Variants in HS6ST2 observed in about 807,000 individuals in gnomAD.
HS6ST2 encodes the protein heparan-sulfate 6-O-sulfotransferase 2.
In HS6ST2, 17 loss-of-function variants were observed where a neutral mutation model predicts 33.0. The observed-to-expected ratio is 0.52, with a 90% CI of 0.35 to 0.77. The LOEUF is 0.77. Ranked by LOEUF, HS6ST2 falls within the 30% of genes least tolerant of loss-of-function variation. HS6ST2 has a pLI of 0.01. For missense variants in HS6ST2, 519 were observed against 551.7 expected, an observed-to-expected ratio of 0.94 and a Z score of 0.59; for synonymous variants, 248 against 237.1, an observed-to-expected ratio of 1.05 and a Z score of -0.42.
intron 2 of HS6ST2, among the ~76,000 whole-genome samples, chrX:132,956,023 GC>G (rs2067067132): frequency 9.1e-6 from 1 of 110,180 alleles, no homozygotes; most frequent in South Asian, 3.9e-4. Flanking sequence ...TCCGCGGGGT[GC>G]CCCCCGCCAC....
At chrX:132,895,151 G>A (rs760530794) in intron 2 of HS6ST2, among the ~76,000 whole-genome samples, 3 of 111,576 alleles carry the variant, frequency 2.7e-5, no homozygotes, top group African/African-American at 9.8e-5. Context: ...AACTCATTAC[G>A]TTTTACTGTC....
chrX:132,922,861 G>A (rs762740181), intron 2 of HS6ST2, among the ~76,000 whole-genome samples: 423 of 110,917 alleles, frequency 3.8e-3, no homozygotes, highest in Non-Finnish European at 6.8e-3. Flanking sequence ...CCAGGAATTT[G>A]AGACCAGTCT....
At chrX:132,946,055 A>G (rs1428783209) in intron 2 of HS6ST2, among the ~76,000 whole-genome samples, 1 of 112,206 alleles carries the variant, frequency 8.9e-6, no homozygotes, top group Admixed American at 9.4e-5. Flanking sequence ...AGAAATGCAA[A>G]TCAAAACCAC....
intron 2 of HS6ST2, among the ~76,000 whole-genome samples, chrX:132,836,067 T>C (rs2065640777): frequency 8.9e-6 from 1 of 112,112 alleles, no homozygotes; most frequent in African/African-American, 3.2e-5. Context: ...TTTTTTAGGC[T>C]CTTCAAGTGA....
intron 2 of HS6ST2, chrX:132,758,311 C>T (rs946138486): frequency 1.8e-5 from 2 of 112,070 alleles, no homozygotes; most frequent in Non-Finnish European, 3.8e-5. Flanking sequence ...GGCACCTCCT[C>T]GCCAGGTGAT....
intron 4 of HS6ST2, among the ~76,000 whole-genome samples, chrX:132,650,741 A>ATCTCTCTCTCTCTCTCTCTCTCTCTC: frequency 1.1e-5 from 1 of 87,389 alleles, no homozygotes; most frequent in African/African-American, 4.5e-5. Context: ...CATAGGAGGG[A>ATCTCTCTCTCTCTCTCTCTCTCTCTC]TCTCTCTCTC....
At chrX:132,860,606 C>T (rs747358392) in intron 2 of HS6ST2, among the ~76,000 whole-genome samples, 3 of 111,182 alleles carry the variant, frequency 2.7e-5, no homozygotes, top group Non-Finnish European at 3.8e-5. Flanking sequence ...GGAAACAATG[C>T]TTTATGAATA....
At chrX:132,952,112 G>T (rs1247931374) in intron 2 of HS6ST2, among the ~76,000 whole-genome samples, 1 of 111,736 alleles carries the variant, frequency 8.9e-6, no homozygotes, top group African/African-American at 3.3e-5. Context: ...CATTTTAATT[G>T]CCCCATAGCA....
intron 2 of HS6ST2, among the ~76,000 whole-genome samples, chrX:132,769,253 C>T (rs1039318153): frequency 8.9e-6 from 1 of 112,502 alleles, no homozygotes; most frequent in Non-Finnish European, 1.9e-5. Context: ...TTATGAGCAA[C>T]AGGTAAACAA....
intron 3 of HS6ST2, among the ~76,000 whole-genome samples, chrX:132,691,982 T>G (rs1253898585): frequency 1.8e-5 from 2 of 111,945 alleles, no homozygotes; most frequent in Non-Finnish European, 3.8e-5. Context: ...ACCCATCGGG[T>G]GAAGAAACAA....
At chrX:132,743,462 G>A (rs1032571431) in intron 2 of HS6ST2, among the ~76,000 whole-genome samples, 6 of 112,363 alleles carry the variant, frequency 5.3e-5, no homozygotes, top group East Asian at 2.8e-4. Context: ...AGGAAATTGC[G>A]TCCTACTGAG....
intron 2 of HS6ST2, among the ~76,000 whole-genome samples, chrX:132,891,538 C>A (rs1602824607): frequency 9.1e-6 from 1 of 109,379 alleles, no homozygotes; most frequent in East Asian, 2.9e-4. Context: ...CTCCACACTC[C>A]CCCCACCCCA....
intron 2 of HS6ST2, among the ~76,000 whole-genome samples, chrX:132,743,955 G>C (rs1157162348): frequency 9.3e-6 from 1 of 107,123 alleles, no homozygotes; most frequent in Admixed American, 9.9e-5. Flanking sequence ...AATTTTGTCT[G>C]TGTGTGTGTG....
At chrX:132,637,783 ATATTTTATATATATAATATTATATAT>A (rs1385790480) in intron 4 of HS6ST2, among the ~76,000 whole-genome samples, 198 of 61,477 alleles carry the variant, frequency 3.2e-3, no homozygotes, top group Non-Finnish European at 4.8e-3. Flanking sequence ...TATATATATA[ATATTTTATATATATAATATTATATAT>A]TATTTTATAT....
intron 2 of HS6ST2, among the ~76,000 whole-genome samples, chrX:132,839,791 A>G (rs1324949425): frequency 9.0e-6 from 1 of 111,048 alleles, no homozygotes; most frequent in Non-Finnish European, 1.9e-5. Flanking sequence ...TTCCCATGGA[A>G]GTGGGAAGAT....
intron 2 of HS6ST2, among the ~76,000 whole-genome samples, chrX:132,787,719 C>T (rs1485778488): frequency 9.2e-6 from 1 of 108,237 alleles, no homozygotes; most frequent in African/African-American, 3.3e-5. Flanking sequence ...GCGAAACCCC[C>T]ATCTCTACTA....
intron 2 of HS6ST2, among the ~76,000 whole-genome samples, chrX:132,949,307 G>A (rs375642739): frequency 9.1e-4 from 99 of 108,650 alleles, no homozygotes; most frequent in Non-Finnish European, 1.7e-3. Context: ...CTCTGGCTGA[G>A]CAGAATAAGC....
intron 2 of HS6ST2, among the ~76,000 whole-genome samples, chrX:132,817,637 T>C (rs367651268): frequency 8.9e-6 from 1 of 111,964 alleles, no homozygotes; most frequent in East Asian, 2.8e-4. Context: ...TGCAAATCAA[T>C]TCAATTGAAC....
intron 2 of HS6ST2, among the ~76,000 whole-genome samples, chrX:132,901,500 G>A (rs998638590): frequency 4.5e-5 from 5 of 111,202 alleles, no homozygotes; most frequent in Non-Finnish European, 1.9e-5. Context: ...AGTTTAAAAG[G>A]ACCAAACATT....
Sources: allele counts gnomAD v4.1 joint callset (sites outside exome capture counted in the v4.1 genomes callset), GRCh38; gene constraint gnomAD v4.1.1; transcripts MANE v1.5; gene names NCBI Gene and HGNC (gene_info 2026-07-23, HGNC 2026-07-21).